The following COL19A1 variants were observed in gnomAD, a reference collection of about 807,000 sequenced individuals.
The protein encoded by COL19A1 is collagen type XIX alpha 1 chain, also known as collagen alpha-1(XIX) chain.
In COL19A1, 159 loss-of-function variants were observed where a neutral mutation model predicts 190.2. The ratio of observed to expected loss-of-function variants is 0.84; its 90% CI spans 0.73 to 0.95. The LOEUF (loss-of-function observed/expected upper bound fraction) is 0.95, where lower values mean the gene tolerates loss of function less well. Among genes scored for constraint, COL19A1 ranks in the 40% least tolerant of loss-of-function variants. The pLI is 0.00. For synonymous variants in COL19A1, 509 were observed against 458.9 expected (o/e 1.11, Z -1.39); for missense variants, 1,418 against 1,431.9 (o/e 0.99, Z 0.16).
intron 10 of COL19A1, among the ~76,000 whole-genome samples, chr6:69,961,852 A>C (rs913566864): frequency 1.3e-5 from 2 of 152,158 alleles, no homozygotes; most frequent in African/African-American, 4.8e-5. Context: ...GTATGTATAC[A>C]TGCATGCATG....
chr6:69,954,275 C>G (rs1480164758), intron 9 of COL19A1, among the ~76,000 whole-genome samples: 2 of 151,980 alleles, frequency 1.3e-5, no homozygotes, highest in Non-Finnish European at 2.9e-5. Context: ...ATACACCCTG[C>G]TAAAATGTGA....
chr6:69,930,825 A>G (rs994296379), intron 6 of COL19A1, among the ~76,000 whole-genome samples: 3 of 152,138 alleles, frequency 2.0e-5, no homozygotes, highest in Non-Finnish European at 4.4e-5. Flanking sequence ...ACAAACAAAC[A>G]AAAGAATTGA....
At chr6:70,080,992 G>A (rs1304038383) in intron 15 of COL19A1, among the ~76,000 whole-genome samples, 2 of 152,142 alleles carry the variant, frequency 1.3e-5, no homozygotes, top group Non-Finnish European at 2.9e-5. Flanking sequence ...AGTAAAATGA[G>A]GATGGCATAA....
chr6:69,884,900 A>C (rs1204035649), intron 2 of COL19A1, among the ~76,000 whole-genome samples: 1 of 149,040 alleles, frequency 6.7e-6, no homozygotes, highest in Non-Finnish European at 1.5e-5. Context: ...TCTGTTGCCC[A>C]AGCTGGAGTG....
In COL19A1 at chr6:70,210,352, C is replaced by T. The variant is rs1020025097; in HGVS notation, c.*3078C>T. ...ATAATTCATGGATTTGTTCATTGTT[C>T]TTTCCAACTGAAGGCAGTAACCATT... On this transcript the variant is annotated 3_prime_UTR_variant, in exon 51 of 51. Coordinates refer to ENST00000620364, the MANE Select transcript of COL19A1 (RefSeq NM_001858.6). Among the ~76,000 whole-genome samples, 1 of 152,226 alleles carries T rather than the reference C, an allele frequency of 6.6e-6. No homozygotes were observed. Among genetic ancestry groups the T allele is most frequent in the East Asian group, 1.9e-4 (1 of 5,184 alleles).
At chr6:70,146,564 A>G in intron 25 of COL19A1, 95 bp from the exon 26 acceptor site, 2 of 850,174 alleles carry the variant, frequency 2.4e-6, no homozygotes, top group South Asian at 2.6e-5. Flanking sequence ...TATTCAAGCA[A>G]GATGAAGAGT....
At chr6:70,006,395 G>T (rs1300009826) in intron 11 of COL19A1, among the ~76,000 whole-genome samples, 1 of 152,212 alleles carries the variant, frequency 6.6e-6, no homozygotes, top group South Asian at 2.1e-4. Context: ...TGGCTGGGGG[G>T]TGAGGGCTCC....
At chr6:69,883,539 C>T (rs1582273881) in intron 2 of COL19A1, among the ~76,000 whole-genome samples, 1 of 152,164 alleles carries the variant, frequency 6.6e-6, no homozygotes, top group South Asian at 2.1e-4. Flanking sequence ...GAGATATGTG[C>T]ATTTTAGCAA....
chr6:70,130,346 C>A, intron 18 of COL19A1, 123 bp downstream of exon 18: 1 of 713,922 alleles, frequency 1.4e-6, no homozygotes. Context: ...CTGCCTCAGC[C>A]TCCCAAGTAG....
chr6:69,965,418 TC>T (rs1775033610), intron 11 of COL19A1, among the ~76,000 whole-genome samples: 1 of 152,202 alleles, frequency 6.6e-6, no homozygotes, highest in Non-Finnish European at 1.5e-5. Context: ...ATCTGCTTCT[TC>T]CCATTATGGC....
Position 70,102,163 on chromosome 6 carries a change from T to G in COL19A1, c.1225-6T>G, listed in dbSNP as rs774624635. ...TATTTATCATCTATTCTTCTTTGGT[T>G]TCAAGGGAAGACGAGGGAAAACAGG... On this transcript the variant is annotated splice_polypyrimidine_tract_variant and splice_region_variant and intron_variant, in intron 15 of 50. Transcript: ENST00000620364. 7 of 1,611,774 alleles carry G rather than the reference T, an allele frequency of 4.3e-6. No homozygotes were observed. The highest frequency in any genetic ancestry group is 5.9e-6 in the Non-Finnish European group (7 of 1,177,986).
At position 70,168,025 on chromosome 6, in the gene COL19A1, G is replaced by T. The variant is rs777062464; in HGVS notation, c.2446G>T (p.Gly816Cys). 1.3e-6 allele frequency: 2 copies of T among 1,589,306 alleles called. No homozygotes were observed. The highest frequency in any genetic ancestry group is 1.7e-6 in the Non-Finnish European group (2 of 1,163,202). Residue 816 changes from glycine to cysteine, a missense_variant and splice_region_variant, in exon 38 of 51, where the codon GGT (glycine) becomes TGT (cysteine). Gly to Cys is a radical substitution (Grantham distance 159). Coordinates refer to ENST00000620364, the MANE Select transcript of COL19A1 (RefSeq NM_001858.6). Reference protein sequence around the residue: ...PGKPGPPGPPGIPFNERNGMS... With the variant: ...PGKPGPPGPPCIPFNERNGMS... Reference sequence around the variant, plus strand: ...TTCTGTATCTCACCTCTTTCCTAAGGGTATTCCATTTAATGAACGAAACGG... The same window carrying T: ...TTCTGTATCTCACCTCTTTCCTAAGTGTATTCCATTTAATGAACGAAACGG...
intron 17 of COL19A1, 43 bp downstream of exon 17, chr6:70,121,985 T>A (rs867079825): frequency 7.8e-7 from 1 of 1,288,080 alleles, no homozygotes; most frequent in Non-Finnish European, 1.1e-6. Context: ...CATAGAAATT[T>A]TATATGATTG....
chr6:69,911,912 T>C (rs9446172), intron 4 of COL19A1, among the ~76,000 whole-genome samples: 15,949 of 152,190 alleles, frequency 0.1, 1,030 homozygotes, highest in East Asian at 0.27. Context: ...ACAGACTTCT[T>C]AAAGGAACAA....
chr6:70,112,017 A>T (rs1205095843), intron 16 of COL19A1, among the ~76,000 whole-genome samples: 3 of 152,198 alleles, frequency 2.0e-5, no homozygotes, highest in Admixed American at 1.3e-4. Flanking sequence ...ACTCAGGAAG[A>T]GTTGTCATTC....
intron 16 of COL19A1, among the ~76,000 whole-genome samples, chr6:70,121,234 T>C (rs1270731314): frequency 6.6e-6 from 1 of 152,200 alleles, no homozygotes; most frequent in East Asian, 1.9e-4. Context: ...TTCTTTCCTT[T>C]CTTCCTAGAA....
intron 44 of COL19A1, among the ~76,000 whole-genome samples, chr6:70,183,758 T>G (rs1766328013): frequency 6.6e-6 from 1 of 152,212 alleles, no homozygotes; most frequent in Non-Finnish European, 1.5e-5. Flanking sequence ...AAACACGCAG[T>G]TCTTTGCAGT....
intron 11 of COL19A1, among the ~76,000 whole-genome samples, chr6:69,967,212 A>G (rs958150424): frequency 2.0e-5 from 3 of 152,198 alleles, no homozygotes; most frequent in Admixed American, 2.0e-4. Flanking sequence ...CTGAATAGTG[A>G]TGTTTAACTT....
intron 11 of COL19A1, among the ~76,000 whole-genome samples, chr6:69,973,528 T>C (rs1775544983): frequency 2.0e-5 from 3 of 152,196 alleles, no homozygotes; most frequent in Admixed American, 2.0e-4. Context: ...TGAATGCAGC[T>C]GAGTTTAAAT....
Sources: allele counts gnomAD v4.1 joint callset (sites outside exome capture counted in the v4.1 genomes callset), GRCh38; gene constraint gnomAD v4.1.1; transcripts MANE v1.5; gene names NCBI Gene and HGNC (gene_info 2026-07-23, HGNC 2026-07-21).